VEGFC: variants seen among roughly 807,000 people sequenced by gnomAD.
The protein encoded by VEGFC is FLT4 ligand DHM.
A neutral mutation model predicts 46.1 loss-of-function variants in VEGFC; 12 were observed. That is an observed-to-expected ratio of 0.26 (90% CI 0.17 to 0.42). VEGFC has a LOEUF of 0.42. Among genes scored for constraint, VEGFC ranks in the 10% least tolerant of loss-of-function variants. The pLI is 1.00. For missense variants in VEGFC, 488 were observed against 529.4 expected (o/e 0.92, Z 0.77); for synonymous variants, 232 against 195.5 (o/e 1.19, Z -1.56).
At chr4:176,687,099 C>T in intron 6 of VEGFC, 88 bp downstream of exon 6, 1 of 1,360,760 alleles carries the variant, frequency 7.3e-7, no homozygotes, top group Non-Finnish European at 1.0e-6. Context: ...TTCTAACAAG[C>T]AATTGTTACT....
chr4:176,729,766 G>C lies in VEGFC; in HGVS notation c.148-20C>G. The C allele has an allele frequency of 6.5e-7, 1 of 1,542,948 alleles. No individual in the cohort carries two copies. The highest frequency in any genetic ancestry group is 8.7e-7 in the Non-Finnish European group (1 of 1,144,892). ...ATAAGCCTGTCAAAGAAAAATGCAAGATCAATGACTTACCAGCTTAAGGGA... is the reference window on the plus strand; with the variant it reads ...ATAAGCCTGTCAAAGAAAAATGCAACATCAATGACTTACCAGCTTAAGGGA... On this transcript the variant is annotated intron_variant, in intron 1 of 6. Transcript: ENST00000618562.
At chr4:176,723,254 C>T (rs1340107762) in intron 3 of VEGFC, among the ~76,000 whole-genome samples, 1 of 151,706 alleles carries the variant, frequency 6.6e-6, no homozygotes, top group Non-Finnish European at 1.5e-5. Flanking sequence ...ATCTGGATAT[C>T]TAGATATAGA....
At chr4:176,765,550 ATTTTTTTT>A (rs779746169) in intron 1 of VEGFC, among the ~76,000 whole-genome samples, 2 of 131,516 alleles carry the variant, frequency 1.5e-5, no homozygotes, top group African/African-American at 5.9e-5. Flanking sequence ...CAAAGACAGA[ATTTTTTTT>A]TTTTTTTTTT....
At chr4:176,768,073 G>T (rs773723467) in intron 1 of VEGFC, among the ~76,000 whole-genome samples, 8 of 152,184 alleles carry the variant, frequency 5.3e-5, no homozygotes, top group Non-Finnish European at 1.2e-4. Flanking sequence ...GCCACTGACT[G>T]AGTTAGGGAA....
chr4:176,732,263 T>C (rs757328719), intron 1 of VEGFC, among the ~76,000 whole-genome samples: 16 of 152,070 alleles, frequency 1.1e-4, no homozygotes, highest in Non-Finnish European at 2.1e-4. Context: ...ACATATTGTA[T>C]GATGGCAAAA....
chr4:176,786,663 C>A (rs2110954544), intron 1 of VEGFC, among the ~76,000 whole-genome samples: 1 of 152,294 alleles, frequency 6.6e-6, no homozygotes, highest in East Asian at 1.9e-4. Context: ...TAGACAAGAT[C>A]ACTCACTCTA....
At chr4:176,757,388 A>G (rs1735450620) in intron 1 of VEGFC, among the ~76,000 whole-genome samples, 1 of 152,064 alleles carries the variant, frequency 6.6e-6, no homozygotes, top group South Asian at 2.1e-4. Flanking sequence ...CAATATGAGA[A>G]CAACATTATC....
At chr4:176,700,976 G>A (rs866080907) in intron 4 of VEGFC, among the ~76,000 whole-genome samples, 2 of 152,118 alleles carry the variant, frequency 1.3e-5, no homozygotes, top group Non-Finnish European at 2.9e-5. Context: ...GGCGGAACAC[G>A]GAGACTTTTA....
chr4:176,784,481 T>G (rs1291727787), intron 1 of VEGFC, among the ~76,000 whole-genome samples: 2 of 150,934 alleles, frequency 1.3e-5, no homozygotes, highest in Admixed American at 6.6e-5. Flanking sequence ...GGCGTGGTGG[T>G]TCACACCTGT....
intron 3 of VEGFC, among the ~76,000 whole-genome samples, chr4:176,725,002 T>C (rs932785323): frequency 5.9e-5 from 9 of 152,126 alleles, no homozygotes; most frequent in Non-Finnish European, 8.8e-5. Context: ...TGTTCAATAG[T>C]ACATCAGGGA....
chr4:176,712,265 C>T (rs942298317), intron 3 of VEGFC, among the ~76,000 whole-genome samples: 5 of 152,020 alleles, frequency 3.3e-5, no homozygotes, highest in Non-Finnish European at 7.4e-5. Context: ...AGCCATGTTT[C>T]TGCTATCTTG....
At chr4:176,699,891 T>C (rs191993796) in intron 4 of VEGFC, among the ~76,000 whole-genome samples, 1 of 152,326 alleles carries the variant, frequency 6.6e-6, no homozygotes, top group Admixed American at 6.5e-5. Flanking sequence ...TTATCTTCTG[T>C]TGTACTGATT....
At chr4:176,759,264 A>G (rs1186422434) in intron 1 of VEGFC, among the ~76,000 whole-genome samples, 1 of 151,978 alleles carries the variant, frequency 6.6e-6, no homozygotes, top group Non-Finnish European at 1.5e-5. Context: ...CAGTGGGGGG[A>G]AAAAAGGTAC....
At chr4:176,789,368 G>GAATA (rs1301822359) in intron 1 of VEGFC, among the ~76,000 whole-genome samples, 1 of 152,174 alleles carries the variant, frequency 6.6e-6, no homozygotes, top group African/African-American at 2.4e-5. Context: ...ACTGTCTTGT[G>GAATA]AATAAATAGC....
chr4:176,760,354 T>C (rs1358280405), intron 1 of VEGFC, among the ~76,000 whole-genome samples: 2 of 152,188 alleles, frequency 1.3e-5, no homozygotes, highest in East Asian at 3.9e-4. Context: ...AATTAAGATA[T>C]TAGGCAATAG....
intron 4 of VEGFC, among the ~76,000 whole-genome samples, chr4:176,689,062 A>G (rs182946273): frequency 2.1e-3 from 326 of 152,340 alleles, no homozygotes; most frequent in Non-Finnish European, 4.1e-3. Context: ...TTTACAGGAT[A>G]TATATCAACT....
At chr4:176,758,810 T>G (rs1438705443) in intron 1 of VEGFC, among the ~76,000 whole-genome samples, 6 of 152,170 alleles carry the variant, frequency 3.9e-5, no homozygotes, top group African/African-American at 7.2e-5. Context: ...TCTCCTCAGA[T>G]GCCCAGGTTC....
intron 1 of VEGFC, among the ~76,000 whole-genome samples, chr4:176,746,094 A>ACAGAG (rs1196088289): frequency 6.6e-6 from 1 of 152,094 alleles, no homozygotes; most frequent in Non-Finnish European, 1.5e-5. Context: ...AGATAATACC[A>ACAGAG]CAGAGCATTT....
At chr4:176,687,604 CT>C (rs1293403203) in intron 5 of VEGFC, 84 bp from the exon 6 acceptor site, 2 of 1,337,920 alleles carry the variant, frequency 1.5e-6, no homozygotes, top group African/African-American at 3.0e-5. Flanking sequence ...AAGCATCTTC[CT>C]TTTGTATGTT....
Sources: allele counts gnomAD v4.1 joint callset (sites outside exome capture counted in the v4.1 genomes callset), GRCh38; gene constraint gnomAD v4.1.1; transcripts MANE v1.5; gene names NCBI Gene and HGNC (gene_info 2026-07-23, HGNC 2026-07-21).